Variants in TBC1D22B observed in about 807,000 individuals in gnomAD.
TBC1D22B encodes TBC1 domain family member 22B.
A neutral mutation model predicts 69.1 loss-of-function variants in TBC1D22B; 32 were observed. The ratio of observed to expected loss-of-function variants is 0.46; its 90% confidence interval spans 0.35 to 0.62. The LOEUF is 0.62. TBC1D22B is among the 20% of genes least tolerant of loss of function. TBC1D22B has a pLI of 0.00. For synonymous variants in TBC1D22B, 206 were observed against 229.8 expected, an observed-to-expected ratio of 0.90 and a Z score of 0.94; for missense variants, 462 against 630.9, an observed-to-expected ratio of 0.73 and a Z score of 2.87.
chr6:37,282,138 C>A (rs1055721590), intron 3 of TBC1D22B, 47 bp from the exon 4 acceptor site: 6 of 1,598,414 alleles, frequency 3.8e-6, no homozygotes. Flanking sequence ...TCTCAGAATC[C>A]ATACTCCTCA....
At chr6:37,283,083 G>A in intron 5 of TBC1D22B, 131 bp downstream of exon 5, 2 of 700,486 alleles carry the variant, frequency 2.9e-6, no homozygotes, top group Non-Finnish European at 4.9e-6. Flanking sequence ...AGAACTATGG[G>A]ACTATAGTCC....
chr6:37,271,798 T>C (rs1766492432), intron 2 of TBC1D22B, among the ~76,000 whole-genome samples: 1 of 151,986 alleles, frequency 6.6e-6, no homozygotes, highest in Non-Finnish European at 1.5e-5. Context: ...AGGCACAGTC[T>C]TCTGAATTAC....
At chr6:37,275,966 CTTTTTTTT>C (rs149995165) in intron 2 of TBC1D22B, among the ~76,000 whole-genome samples, 4 of 133,218 alleles carry the variant, frequency 3.0e-5, no homozygotes, top group Admixed American at 2.2e-4. Flanking sequence ...TTCTTTTTTT[CTTTTTTTT>C]TTTTTTTGGA....
At chr6:37,290,188 G>A (rs1767131836) in intron 7 of TBC1D22B, among the ~76,000 whole-genome samples, 1 of 152,014 alleles carries the variant, frequency 6.6e-6, no homozygotes, top group Admixed American at 6.6e-5. Context: ...TGCTTGAGAG[G>A]GCCTCTTCAA....
rs1007770376 is a variant in TBC1D22B, at chr6:37,298,620, AC to A, written c.982+7264del. On this transcript the variant is annotated intron_variant, in intron 8 of 12. Coordinates refer to ENST00000373491, the MANE Select transcript of TBC1D22B (RefSeq NM_017772.4). Reference sequence around the variant, plus strand: ...GAGTGCAGTGGCGCGATCTCGGCTCACTGCAAGCTCCGCCTCCCGGGTTCAC... The same window carrying A: ...GAGTGCAGTGGCGCGATCTCGGCTCATGCAAGCTCCGCCTCCCGGGTTCAC... Among the ~76,000 whole-genome samples the A allele has an allele frequency of 1.1e-4, 14 of 130,810 alleles. No individual in the cohort carries two copies. In the Admixed American group the frequency reaches 1.2e-3, roughly 11 times the overall value. 85.8% of individuals were successfully genotyped at this position (130,810 alleles called of 152,430 possible).
chr6:37,267,331 CACAT>C (rs1173324330), intron 1 of TBC1D22B, among the ~76,000 whole-genome samples: 23 of 133,322 alleles, frequency 1.7e-4, no homozygotes, highest in Non-Finnish European at 2.1e-4. Context: ...TATACACACA[CACAT>C]ATATAATATA....
intron 3 of TBC1D22B, among the ~76,000 whole-genome samples, chr6:37,281,278 A>C (rs1365814353): frequency 1.3e-5 from 2 of 152,214 alleles, no homozygotes; most frequent in Non-Finnish European, 2.9e-5. Context: ...CATATGTTCT[A>C]AGGATCAAAT....
chr6:37,261,955 G>A (rs1410805681), intron 1 of TBC1D22B, among the ~76,000 whole-genome samples: 1 of 3,706 alleles, frequency 2.7e-4, no homozygotes, highest in Admixed American at 4.0e-3. Context: ...GTGTGTGTGT[G>A]TGTGTGTGTG....
At chr6:37,273,179 G>T (rs145165265) in intron 2 of TBC1D22B, among the ~76,000 whole-genome samples, 1 of 73,618 alleles carries the variant, frequency 1.4e-5, no homozygotes. Context: ...TCGTAACCCC[G>T]AGGCAAAAAA....
intron 8 of TBC1D22B, among the ~76,000 whole-genome samples, chr6:37,301,043 T>C (rs1364938038): frequency 2.6e-5 from 4 of 152,236 alleles, no homozygotes; most frequent in Non-Finnish European, 5.9e-5. Flanking sequence ...AGATACCTCA[T>C]GTAAGTGGAT....
intron 8 of TBC1D22B, among the ~76,000 whole-genome samples, chr6:37,303,999 A>T (rs1345800089): frequency 6.6e-6 from 1 of 152,236 alleles, no homozygotes; most frequent in Non-Finnish European, 1.5e-5. Flanking sequence ...TTTGGTGTCC[A>T]AAATAGGCAT....
Position 37,331,575 on chromosome 6 carries a change from T to C in TBC1D22B, c.*403T>C, listed in dbSNP as rs1334371219. 6.5e-6 allele frequency: 1 copy of C among 154,980 alleles called. No homozygotes were observed. The highest frequency in any genetic ancestry group is 1.4e-5 in the Non-Finnish European group (1 of 69,618). The allele number at this position is 154,980 out of a possible 1,614,324, so 9.6% of individuals were successfully genotyped here. On this transcript the variant is annotated 3_prime_UTR_variant, in exon 13 of 13. Transcript: ENST00000373491. ...ATTTGATCACAGGTCAAAAACGCCT[T>C]ATATTTTCGAAAGACTCCTGGCCCC...
At chr6:37,310,213 T>C (rs1045094074) in intron 8 of TBC1D22B, among the ~76,000 whole-genome samples, 1 of 147,678 alleles carries the variant, frequency 6.8e-6, no homozygotes, top group Non-Finnish European at 1.5e-5. Flanking sequence ...AAAACAAATA[T>C]GTATATATAC....
chr6:37,261,097 C>G (rs746001434), intron 1 of TBC1D22B, among the ~76,000 whole-genome samples: 5 of 152,118 alleles, frequency 3.3e-5, no homozygotes, highest in African/African-American at 4.8e-5. Context: ...CTTAGCACAT[C>G]AAATGGTCAT....
At chr6:37,293,084 A>T (rs6925822) in intron 8 of TBC1D22B, among the ~76,000 whole-genome samples, 38,311 of 143,028 alleles carry the variant, frequency 0.27, 7,609 homozygotes, top group African/African-American at 0.58. Flanking sequence ...TATTATTATT[A>T]TTTTTTTTTT....
intron 2 of TBC1D22B, among the ~76,000 whole-genome samples, chr6:37,270,863 A>G (rs138826286): frequency 6.6e-6 from 1 of 152,242 alleles, no homozygotes; most frequent in Non-Finnish European, 1.5e-5. Flanking sequence ...AAGATAATGT[A>G]CAATTATGGT....
At chr6:37,276,813 C>T (rs1396697615) in intron 2 of TBC1D22B, among the ~76,000 whole-genome samples, 1 of 152,056 alleles carries the variant, frequency 6.6e-6, no homozygotes, top group Admixed American at 6.6e-5. Context: ...ATCGCCTGAA[C>T]CGAGGAGGTG....
At chr6:37,279,283 A>T in intron 2 of TBC1D22B, 21 bp from the exon 3 acceptor site, 1 of 1,575,210 alleles carries the variant, frequency 6.3e-7, no homozygotes, top group South Asian at 1.2e-5. Flanking sequence ...TTCCTTGGTA[A>T]TCGTGTCTCC....
intron 2 of TBC1D22B, among the ~76,000 whole-genome samples, chr6:37,275,875 G>T (rs1228584550): frequency 6.6e-6 from 1 of 151,646 alleles, no homozygotes; most frequent in Non-Finnish European, 1.5e-5. Flanking sequence ...ATTGTTTATT[G>T]CTCCTGGTCT....
Sources: gnomAD v4.1 joint callset for allele counts (sites outside exome capture counted in the v4.1 genomes callset) on GRCh38, gnomAD v4.1.1 for gene constraint, MANE v1.5 for transcripts, NCBI Gene and HGNC (gene_info 2026-07-23, HGNC 2026-07-21) for gene names.